Variants in NEURL1 observed in about 807,000 individuals in gnomAD.
The protein encoded by NEURL1 is neuralized E3 ubiquitin protein ligase 1.
NEURL1 carries 26 observed loss-of-function variants against 41.2 expected under a neutral mutation model. The ratio of observed to expected loss-of-function variants is 0.63; its 90% CI spans 0.46 to 0.87. NEURL1 has a LOEUF of 0.87. Ranked by LOEUF, NEURL1 falls within the 40% of genes least tolerant of loss-of-function variation. NEURL1 has a pLI of 0.00. For synonymous variants in NEURL1, 400 were observed against 402.3 expected (o/e 0.99, Z 0.07); for missense variants, 761 against 871.1 (o/e 0.87, Z 1.59).
chr10:103,542,899 T>C (rs996563520), intron 1 of NEURL1, among the ~76,000 whole-genome samples: 1 of 152,194 alleles, frequency 6.6e-6, no homozygotes, highest in African/African-American at 2.4e-5. Context: ...CAGCTCCCTC[T>C]GCTGCCAAGA....
chr10:103,532,348 G>C (rs1339689973), intron 1 of NEURL1, among the ~76,000 whole-genome samples: 1 of 151,980 alleles, frequency 6.6e-6, no homozygotes, highest in Non-Finnish European at 1.5e-5. Flanking sequence ...TTGTGTATTT[G>C]CTCTACCAGT....
chr10:103,585,623 A>T (rs1352364979), intron 4 of NEURL1, among the ~76,000 whole-genome samples: 1 of 152,140 alleles, frequency 6.6e-6, no homozygotes, highest in African/African-American at 2.4e-5. Context: ...TCATGAGGTC[A>T]GGAGATCAAG....
intron 1 of NEURL1, among the ~76,000 whole-genome samples, chr10:103,525,736 T>C (rs1162355435): frequency 1.3e-5 from 2 of 152,176 alleles, no homozygotes; most frequent in Non-Finnish European, 2.9e-5. Context: ...ATGCTCTTTA[T>C]TTTTTTCTCT....
intron 1 of NEURL1, among the ~76,000 whole-genome samples, chr10:103,547,194 G>A (rs2034940315): frequency 6.6e-6 from 1 of 152,252 alleles, no homozygotes; most frequent in South Asian, 2.1e-4. Context: ...TTGAACCCGG[G>A]AAGTTTGACT....
intron 1 of NEURL1, among the ~76,000 whole-genome samples, chr10:103,541,260 C>T (rs1389633704): frequency 1.3e-5 from 2 of 152,042 alleles, no homozygotes; most frequent in Non-Finnish European, 2.9e-5. Flanking sequence ...AACATACATA[C>T]ATACATGCCT....
chr10:103,587,769 C>T (rs1176762809), intron 4 of NEURL1, among the ~76,000 whole-genome samples: 6 of 152,022 alleles, frequency 3.9e-5, no homozygotes, highest in Admixed American at 3.9e-4. Context: ...TGCAACAAGG[C>T]AAGAAAAGTA....
At chr10:103,562,025 C>G (rs1299241516) in intron 1 of NEURL1, among the ~76,000 whole-genome samples, 1 of 152,216 alleles carries the variant, frequency 6.6e-6, no homozygotes, top group African/African-American at 2.4e-5. Flanking sequence ...ACTAGCAATT[C>G]ATTCAGTAAC....
rs751791288 is a variant in NEURL1, at chr10:103,584,948, G to T, written c.1062G>T (p.Ser354=). Residue 354 remains serine, a synonymous_variant, in exon 4 of 6, where the codon TCG becomes TCT. Transcript: ENST00000369780. ...RSGGARPGAL[S]FGVTTCDPGT... ...GTGGCGCGCGGCCCGGCGCGCTGTC[G>T]TTCGGCGTCACCACGTGCGACCCCG... 7.3e-6 allele frequency: 11 copies of T among 1,503,766 alleles called. No homozygotes were observed. The highest frequency in any genetic ancestry group is 2.9e-5 in the African/African-American group (2 of 69,212). The allele number at this position is 1,503,766 out of a possible 1,614,324, so 93.2% of individuals were successfully genotyped here. A position where few individuals can be genotyped will look rare whatever the true frequency, so the allele number is the denominator to read the frequency against.
chr10:103,583,505 T>TA (rs1480608762), intron 3 of NEURL1, among the ~76,000 whole-genome samples: 2 of 151,674 alleles, frequency 1.3e-5, no homozygotes, highest in Non-Finnish European at 2.9e-5. Flanking sequence ...CGCTTGAGCC[T>TA]AGGAGTTGGA....
Position 103,590,445 on chromosome 10 carries a change from G to C in NEURL1, c.*73G>C, listed in dbSNP as rs1270312956. On this transcript the variant is annotated 3_prime_UTR_variant, in exon 6 of 6. Transcript: ENST00000369780. ...CCAGTCCCAGCTGAGGAACAAGCCA[G>C]TGGGGCCCCTTCTCTTCCTCATTTT... 18 of 1,307,508 alleles carry C rather than the reference G, an allele frequency of 1.4e-5. No homozygotes were observed. The highest frequency in any genetic ancestry group is 4.6e-5 in the East Asian group (2 of 43,056). The allele number at this position is 1,307,508 out of a possible 1,614,324, so 81.0% of individuals were successfully genotyped here. A position where few individuals can be genotyped will look rare whatever the true frequency, so the allele number is the denominator to read the frequency against.
At chr10:103,509,375 T>A (rs1414154959) in intron 1 of NEURL1, among the ~76,000 whole-genome samples, 1 of 152,196 alleles carries the variant, frequency 6.6e-6, no homozygotes, top group Non-Finnish European at 1.5e-5. Flanking sequence ...ACCTAGATGG[T>A]GTAGCCTCCT....
rs370410360 is a variant in NEURL1, at chr10:103,494,356, C to T, written c.-32C>T. ...GCGCCTGCCCGGCCTCGCCCCCACC[C>T]GCGAGCGCCGAACCTCCTGGGGCCG... On this transcript the variant is annotated 5_prime_UTR_variant, in exon 1 of 6. Transcript: ENST00000369780. 54 of 1,546,796 alleles carry T rather than the reference C, an allele frequency of 3.5e-5. No homozygotes were observed. Among genetic ancestry groups the T allele is most frequent in the Non-Finnish European group, 4.6e-5 (52 of 1,141,380 alleles).
intron 1 of NEURL1, among the ~76,000 whole-genome samples, chr10:103,525,580 T>G (rs550607089): frequency 6.6e-6 from 1 of 152,174 alleles, no homozygotes; most frequent in Admixed American, 6.5e-5. Flanking sequence ...TCTCCAACTC[T>G]TGACCTCAAG....
At chr10:103,568,161 GTCC>G (rs1287556538) in intron 1 of NEURL1, among the ~76,000 whole-genome samples, 1 of 152,140 alleles carries the variant, frequency 6.6e-6, no homozygotes, top group Non-Finnish European at 1.5e-5. Flanking sequence ...CTGGACCAGA[GTCC>G]TCCTGGCCCC....
chr10:103,530,469 A>G (rs909323667), intron 1 of NEURL1, among the ~76,000 whole-genome samples: 2 of 151,470 alleles, frequency 1.3e-5, no homozygotes, highest in African/African-American at 4.8e-5. Context: ...TTTAATTTCT[A>G]TGTATTTGTA....
intron 1 of NEURL1, among the ~76,000 whole-genome samples, chr10:103,516,018 A>G (rs2034196390): frequency 6.6e-6 from 1 of 152,116 alleles, no homozygotes; most frequent in Admixed American, 6.5e-5. Context: ...ACTTGAGTCC[A>G]GGAGTTTGAG....
At chr10:103,583,705 CAAAAAAAAAAAAA>C (rs1228630032) in intron 3 of NEURL1, among the ~76,000 whole-genome samples, 1 of 19,560 alleles carries the variant, frequency 5.1e-5, no homozygotes, top group Non-Finnish European at 8.9e-5. Flanking sequence ...GATCCTGTCT[CAAAAAAAAAAAAA>C]AAAAAAAAAA....
chr10:103,560,187 G>A (rs758247694), intron 1 of NEURL1, among the ~76,000 whole-genome samples: 2 of 146,162 alleles, frequency 1.4e-5, no homozygotes, highest in Admixed American at 6.6e-5. Context: ...GCATGACTGT[G>A]GATTTGATAT....
chr10:103,564,165 T>C (rs905172823), intron 1 of NEURL1, among the ~76,000 whole-genome samples: 3 of 152,174 alleles, frequency 2.0e-5, no homozygotes, highest in Non-Finnish European at 4.4e-5. Flanking sequence ...GAGGCAGGAA[T>C]GTGGTCTGCC....
Sources: allele counts gnomAD v4.1 joint callset (sites outside exome capture counted in the v4.1 genomes callset), GRCh38; gene constraint gnomAD v4.1.1; transcripts MANE v1.5; gene names NCBI Gene and HGNC (gene_info 2026-07-23, HGNC 2026-07-21).